Variants in TXNDC11 observed in about 807,000 individuals in gnomAD.
The protein encoded by TXNDC11 is thioredoxin domain containing 11, also known as thioredoxin domain-containing protein 11.
A neutral mutation model predicts 78.0 loss-of-function variants in TXNDC11; 68 were observed. That is an observed-to-expected ratio of 0.87 (90% CI 0.72 to 1.07). The LOEUF (loss-of-function observed/expected upper bound fraction) is 1.07. Among genes scored for constraint, TXNDC11 ranks in the 50% least tolerant of loss-of-function variants. The pLI, the probability that TXNDC11 is intolerant of heterozygous loss-of-function variation, is 0.00. For missense variants in TXNDC11, 1,389 were observed against 1,221.8 expected, an observed-to-expected ratio of 1.14 and a Z score of -2.04; for synonymous variants, 571 against 495.2, an observed-to-expected ratio of 1.15 and a Z score of -2.03.
At chr16:11,705,266 G>A (rs1567318132) in intron 5 of TXNDC11, among the ~76,000 whole-genome samples, 2 of 152,312 alleles carry the variant, frequency 1.3e-5, no homozygotes, top group South Asian at 2.1e-4. Flanking sequence ...AACAATGGGG[G>A]AAACTGGCTA....
At chr16:11,730,387 G>A (rs1340215031) in intron 4 of TXNDC11, among the ~76,000 whole-genome samples, 1 of 152,134 alleles carries the variant, frequency 6.6e-6, no homozygotes, top group East Asian at 1.9e-4. Context: ...TTAACTGTAA[G>A]GCAAGATGAA....
intron 1 of TXNDC11, chr16:11,742,141 T>C (rs2052415906): frequency 6.5e-6 from 2 of 308,052 alleles, no homozygotes; most frequent in Admixed American, 1.0e-4. Flanking sequence ...ATGAAATCGG[T>C]GAGAAATGAG....
At chr16:11,721,556 T>A in intron 5 of TXNDC11, 21 bp downstream of exon 5, 1 of 1,383,670 alleles carries the variant, frequency 7.2e-7, no homozygotes, top group Non-Finnish European at 1.0e-6. Flanking sequence ...TAACAATGTC[T>A]TAATATGAAT....
chr16:11,720,724 C>CATAT (rs748025949), intron 5 of TXNDC11, among the ~76,000 whole-genome samples: 43 of 146,942 alleles, frequency 2.9e-4, no homozygotes, highest in African/African-American at 1.0e-3. Flanking sequence ...ACATTCATAT[C>CATAT]ATATATATAT....
At chr16:11,733,493 C>G (rs1381132902) in intron 3 of TXNDC11, among the ~76,000 whole-genome samples, 1 of 151,614 alleles carries the variant, frequency 6.6e-6, no homozygotes, top group Non-Finnish European at 1.5e-5. Context: ...CGCCACTGCA[C>G]TCCAGCCTGG....
At chr16:11,702,940 A>G (rs1480324818) in intron 5 of TXNDC11, among the ~76,000 whole-genome samples, 2 of 152,176 alleles carry the variant, frequency 1.3e-5, no homozygotes, top group African/African-American at 4.8e-5. Flanking sequence ...AAAATGGCAC[A>G]AAACAAAAGA....
rs368328746 is a variant in TXNDC11 at position 11,679,686 on chromosome 16, G to C, written c.2386C>G (p.Gln796Glu). The change falls in exon 12 of 12, where the codon CAG becomes GAG. Residue 796 changes from glutamine (Q) to glutamate (E), a missense_variant. Transcript: ENST00000283033. The surrounding 1 kb of genome is among the most constrained non-coding windows in gnomAD (Gnocchi z 4.6). ...KECLQSEAVL[Q>E]RGHISHLERE... ...TCCAAGTGGGAGATGTGCCCCCGCT[G>C]TAAGACTGCCTCGCTCTGAAGACAC... is the stretch of plus-strand genomic sequence containing the variant. 11 of 1,614,108 alleles carry C rather than the reference G, an allele frequency of 6.8e-6. No individual in the cohort carries two copies. The highest frequency in any genetic ancestry group is 8.5e-6 in the Non-Finnish European group (10 of 1,180,052).
chr16:11,731,810 T>G (rs907209613), intron 3 of TXNDC11, among the ~76,000 whole-genome samples: 4 of 152,164 alleles, frequency 2.6e-5, no homozygotes, highest in African/African-American at 9.7e-5. Context: ...GTTCTCTACA[T>G]GTACAGCTGG....
intron 5 of TXNDC11, among the ~76,000 whole-genome samples, chr16:11,704,809 C>A (rs568489507): frequency 9.5e-4 from 144 of 152,272 alleles, no homozygotes; most frequent in African/African-American, 3.3e-3. Flanking sequence ...GGATCCCAGA[C>A]TGGATCCTGA....
At position 11,711,170 on chromosome 16, in the gene TXNDC11, A is replaced by G. The variant is rs182594750; in HGVS notation, c.793+10407T>C. ...CAGGCAAAGCCAAGAGGGAATCACC[A>G]TATCATATCACCTGCTGCACCTCAG... On this transcript the variant is annotated intron_variant, in intron 5 of 11. Coordinates refer to ENST00000283033, the MANE Select transcript of TXNDC11 (RefSeq NM_015914.7). Among the ~76,000 whole-genome samples the G allele has an allele frequency of 1.1e-4, 14 of 132,334 alleles. No homozygotes were observed. In the East Asian group the frequency reaches 1.4e-3, roughly 13 times the overall value. 86.8% of individuals were successfully genotyped at this position (132,334 alleles called of 152,430 possible). A position where few individuals can be genotyped will look rare whatever the true frequency, so the allele number is the denominator to read the frequency against.
At chr16:11,721,256 T>G (rs2051696507) in intron 5 of TXNDC11, 1 of 188,290 alleles carries the variant, frequency 5.3e-6, no homozygotes, top group Non-Finnish European at 1.1e-5. Context: ...CTGGCCAACG[T>G]GGCAAAACCC....
chr16:11,710,181 T>C (rs1355251626), intron 5 of TXNDC11, among the ~76,000 whole-genome samples: 1 of 145,360 alleles, frequency 6.9e-6, no homozygotes, highest in Non-Finnish European at 1.5e-5. Context: ...AAACTTCCCT[T>C]GTATGCACTT....
rs142035208 is a variant in TXNDC11, at chr16:11,732,399, C to A, written c.569+1583G>T. On this transcript the variant is annotated intron_variant, in intron 3 of 11. Coordinates refer to ENST00000283033, the MANE Select transcript of TXNDC11 (RefSeq NM_015914.7). Reference sequence around the variant, plus strand: ...CAAAGCCAAAAAGAAATGCAAGGACCTCAGCAGGGCAAGCTCACCATCCCG... The same window carrying A: ...CAAAGCCAAAAAGAAATGCAAGGACATCAGCAGGGCAAGCTCACCATCCCG... Among the ~76,000 whole-genome samples, 89 of 152,266 alleles carry A rather than the reference C, an allele frequency of 5.8e-4. No individual in the cohort carries two copies. In the East Asian group the frequency reaches 0.014, roughly 24 times the overall value.
chr16:11,705,671 C>A (rs535033257), intron 5 of TXNDC11, among the ~76,000 whole-genome samples: 2 of 152,350 alleles, frequency 1.3e-5, no homozygotes, highest in African/African-American at 4.8e-5. Context: ...CCATACAGAA[C>A]AAATTCTAAC....
intron 5 of TXNDC11, among the ~76,000 whole-genome samples, chr16:11,719,685 A>C (rs1250647161): frequency 6.6e-6 from 1 of 152,240 alleles, no homozygotes; most frequent in Non-Finnish European, 1.5e-5. Flanking sequence ...GCTTTGTGCC[A>C]GGCTATACAG....
At chr16:11,690,643 C>G (rs576986298) in intron 8 of TXNDC11, 2 of 152,356 alleles carry the variant, frequency 1.3e-5, no homozygotes, top group Non-Finnish European at 2.9e-5. Context: ...AGCTCTGCCT[C>G]CCAGGTTCAC....
intron 6 of TXNDC11, among the ~76,000 whole-genome samples, chr16:11,699,052 A>C (rs1310578254): frequency 1.3e-5 from 2 of 152,240 alleles, no homozygotes; most frequent in African/African-American, 4.8e-5. Context: ...AGAACTACCA[A>C]AGGGGTGCTT....
chr16:11,741,408 TC>T (rs1217515420), intron 1 of TXNDC11, among the ~76,000 whole-genome samples: 1 of 152,162 alleles, frequency 6.6e-6, no homozygotes, highest in Non-Finnish European at 1.5e-5. Flanking sequence ...ACTTTCATGT[TC>T]CTACCCCCTA....
intron 4 of TXNDC11, among the ~76,000 whole-genome samples, chr16:11,726,409 C>T (rs1270676702): frequency 6.6e-6 from 1 of 151,734 alleles, no homozygotes; most frequent in Non-Finnish European, 1.5e-5. Context: ...GGTGAAACTC[C>T]ATCTCTACTA....
Sources: gnomAD v4.1 joint callset for allele counts (sites outside exome capture counted in the v4.1 genomes callset) on GRCh38, gnomAD v4.1.1 for gene constraint, Gnocchi (gnomAD v3.1) non-coding constraint, MANE v1.5 for transcripts, NCBI Gene and HGNC (gene_info 2026-07-23, HGNC 2026-07-21) for gene names.